Variants in OTOGL observed in about 807,000 individuals in gnomAD.
OTOGL encodes the protein otogelin-like protein.
OTOGL carries 285 observed loss-of-function variants against 318.5 expected under a neutral mutation model. The ratio of observed to expected loss-of-function variants is 0.89; its 90% CI spans 0.81 to 0.99. The LOEUF (loss-of-function observed/expected upper bound fraction) is 0.99. OTOGL is among the 50% of genes least tolerant of loss of function. The pLI is 0.00. For missense variants in OTOGL, 2,899 were observed against 2,845.6 expected (o/e 1.02, Z -0.43); for synonymous variants, 987 against 936.5 (o/e 1.05, Z -0.99).
intron 11 of OTOGL, among the ~76,000 whole-genome samples, chr12:80,249,400 G>T (rs1881254279): frequency 6.6e-6 from 1 of 151,264 alleles, no homozygotes; most frequent in African/African-American, 2.5e-5. Context: ...ACCCTCAGCT[G>T]AAGGTCTGTT....
At chr12:80,275,821 G>T (rs562075386) in intron 24 of OTOGL, among the ~76,000 whole-genome samples, 1 of 151,422 alleles carries the variant, frequency 6.6e-6, no homozygotes, top group Non-Finnish European at 1.5e-5. Flanking sequence ...CTCCTTGAAG[G>T]CTCAGATGAT....
At chr12:80,367,490 T>A (rs1890615229) in intron 53 of OTOGL, 71 bp from the exon 54 acceptor site, 1 of 1,192,882 alleles carries the variant, frequency 8.4e-7, no homozygotes, top group Admixed American at 3.5e-5. Context: ...GACTCAAATA[T>A]AAGTTCCAAC....
At chr12:80,256,287 G>T in intron 16 of OTOGL, 50 bp from the exon 17 acceptor site, 2 of 1,538,338 alleles carry the variant, frequency 1.3e-6, no homozygotes, top group South Asian at 2.4e-5. Context: ...CTCTTTCTAT[G>T]GCTCTCTCTC....
At chr12:80,235,118 A>C (rs559815097) in intron 9 of OTOGL, among the ~76,000 whole-genome samples, 1 of 151,904 alleles carries the variant, frequency 6.6e-6, no homozygotes, top group Non-Finnish European at 1.5e-5. Flanking sequence ...TCAAAGCTTC[A>C]CGAAAAAAAA....
Position 80,270,097 on chromosome 12 carries a change from T to C in OTOGL, c.2466-5T>C. The C allele has an allele frequency of 6.3e-7, 1 of 1,594,150 alleles. No homozygotes were observed. The highest frequency in any genetic ancestry group is 1.1e-5 in the South Asian group (1 of 89,690). ...TCCATAAATTAACTATTTATTTACTTCTAGCCAGTGTTCAAATGGGACTGT... is the reference window on the plus strand; with the variant it reads ...TCCATAAATTAACTATTTATTTACTCCTAGCCAGTGTTCAAATGGGACTGT... On this transcript the variant is annotated splice_region_variant and splice_polypyrimidine_tract_variant and intron_variant, in intron 22 of 58. Coordinates refer to ENST00000547103, the MANE Select transcript of OTOGL (RefSeq NM_001378609.3).
intron 3 of OTOGL, among the ~76,000 whole-genome samples, chr12:80,211,578 A>G (rs74108562): frequency 0.011 from 1,617 of 152,304 alleles, 22 homozygotes; most frequent in African/African-American, 0.037. Context: ...GTTTGAACAA[A>G]GGGAAGGTAC....
At chr12:80,149,611 T>G (rs868559827) in intron 1 of OTOGL, among the ~76,000 whole-genome samples, 2 of 151,992 alleles carry the variant, frequency 1.3e-5, no homozygotes, top group Non-Finnish European at 2.9e-5. Context: ...TCGAGCTTCC[T>G]GGCTGCTTTG....
At chr12:80,273,885 C>G (rs939984134) in intron 24 of OTOGL, among the ~76,000 whole-genome samples, 1 of 151,990 alleles carries the variant, frequency 6.6e-6, no homozygotes, top group East Asian at 1.9e-4. Context: ...TTATGGTAAT[C>G]TGTAAACAGT....
In OTOGL at chr12:80,356,476, T is replaced by G. The variant is rs1476766018; in HGVS notation, c.5867T>G (p.Ile1956Ser). The G allele has an allele frequency of 6.2e-7, 1 of 1,612,322 alleles. No homozygotes were observed. Among genetic ancestry groups the G allele is most frequent in the African/African-American group, 1.3e-5 (1 of 74,862 alleles). ...IPTCTNSQKLIVGHSPLSCCP... is the reference protein window; with the variant it reads ...IPTCTNSQKLSVGHSPLSCCP... ...ACATGTACAAATAGTCAAAAATTGA[T>G]TGTTGGCCACAGTCCTCTTTCTTGC... The change falls in exon 48 of 59, where the codon ATT becomes AGT. Residue 1956 changes from isoleucine (I) to serine (S), a missense_variant. This residue lies in a region of OTOGL where 2,607 missense variants were observed against 2,524.9 expected (regional missense o/e 1.03). Transcript: ENST00000547103.
intron 1 of OTOGL, among the ~76,000 whole-genome samples, chr12:80,102,128 G>A (rs1869176829): frequency 6.6e-6 from 1 of 152,176 alleles, no homozygotes; most frequent in Non-Finnish European, 1.5e-5. Flanking sequence ...CAGTGGTTGA[G>A]GGACTGTGCA....
chr12:80,220,612 C>CT (rs34021968), intron 6 of OTOGL, among the ~76,000 whole-genome samples: 2,965 of 118,990 alleles, frequency 0.025, 243 homozygotes, highest in African/African-American at 0.086. Flanking sequence ...AGGGCAAGGG[C>CT]TTTTTTTTTT....
intron 1 of OTOGL, among the ~76,000 whole-genome samples, chr12:80,106,626 A>G (rs761581080): frequency 8.5e-5 from 13 of 152,170 alleles, no homozygotes; most frequent in South Asian, 2.1e-4. Context: ...CACATACACA[A>G]GTGTGTGCAC....
intron 1 of OTOGL, among the ~76,000 whole-genome samples, chr12:80,125,794 C>G (rs998243728): frequency 6.6e-6 from 1 of 152,086 alleles, no homozygotes; most frequent in African/African-American, 2.4e-5. Flanking sequence ...GGAATTTATC[C>G]GTTTCTTCTA....
chr12:80,314,089 G>T (rs1404180089), intron 31 of OTOGL, among the ~76,000 whole-genome samples: 2 of 151,972 alleles, frequency 1.3e-5, no homozygotes, highest in African/African-American at 4.8e-5. Context: ...TTTCTAAATT[G>T]GCAATATATT....
chr12:80,366,535 T>G (rs750789110), intron 52 of OTOGL, 39 bp from the exon 53 acceptor site: 1 of 157,868 alleles, frequency 6.3e-6, no homozygotes, highest in South Asian at 1.7e-4. Context: ...ATATATAAAA[T>G]AAGCTAAATG....
intron 2 of OTOGL, among the ~76,000 whole-genome samples, chr12:80,209,811 T>A (rs927695607): frequency 6.6e-6 from 1 of 152,102 alleles, no homozygotes; most frequent in African/African-American, 2.4e-5. Context: ...TGGTTAAAAA[T>A]CATGCTTTTA....
At chr12:80,332,801 C>T (rs967914159) in intron 37 of OTOGL, among the ~76,000 whole-genome samples, 1 of 152,144 alleles carries the variant, frequency 6.6e-6, no homozygotes, top group Non-Finnish European at 1.5e-5. Flanking sequence ...CTGCCTCTGC[C>T]ACTTAACAGC....
chr12:80,253,107 A>C (rs942992973), intron 13 of OTOGL, among the ~76,000 whole-genome samples: 1 of 152,124 alleles, frequency 6.6e-6, no homozygotes, highest in Non-Finnish European at 1.5e-5. Context: ...TGACAGTGTA[A>C]ATCTTTCTCA....
At chr12:80,237,629 T>C (rs998058488) in intron 9 of OTOGL, among the ~76,000 whole-genome samples, 2 of 152,008 alleles carry the variant, frequency 1.3e-5, no homozygotes, top group African/African-American at 4.8e-5. Flanking sequence ...AGAAGATATA[T>C]GAGGGGCAGA....
Sources: allele counts gnomAD v4.1 joint callset (sites outside exome capture counted in the v4.1 genomes callset), GRCh38; gene constraint gnomAD v4.1.1; regional missense constraint gnomAD v4.1.1; transcripts MANE v1.5; gene names NCBI Gene and HGNC (gene_info 2026-07-23, HGNC 2026-07-21).